Variants in CTNND2 observed in about 807,000 individuals in gnomAD.
CTNND2 encodes the protein catenin delta-2.
A neutral mutation model predicts 144.4 loss-of-function variants in CTNND2; 22 were observed. The observed-to-expected ratio is 0.15, with a 90% CI of 0.11 to 0.22. The LOEUF is 0.22. CTNND2 is among the 10% of genes least tolerant of loss of function. The pLI, the probability that CTNND2 is intolerant of heterozygous loss-of-function variation, is 1.00. For synonymous variants in CTNND2, 751 were observed against 695.6 expected (o/e 1.08, Z -1.25); for missense variants, 1,353 against 1,618.8 (o/e 0.84, Z 2.82).
rs376626839 is a variant in CTNND2 at position 11,210,598 on chromosome 5, A to G, written c.1762-10937T>C. ...GATAAGATCTAACATATTTATTTGT[A>G]TGTGGCAAAGCTAAAGTCACAGATT... is the stretch of plus-strand genomic sequence containing the variant. On this transcript the variant is annotated intron_variant, in intron 10 of 21. Transcript: ENST00000304623. 3.3e-4 allele frequency among the ~76,000 whole-genome samples: 51 copies of G among 152,320 alleles called. No homozygotes were observed. The South Asian group carries it at 7.5e-3, about 22-fold the overall frequency.
intron 21 of CTNND2, among the ~76,000 whole-genome samples, chr5:10,978,627 T>A (rs1443735052): frequency 6.6e-6 from 1 of 152,220 alleles, no homozygotes; most frequent in Non-Finnish European, 1.5e-5. Flanking sequence ...GCTATGAAGA[T>A]AGGACTCAGC....
chr5:11,732,569 T>C lies in CTNND2; in HGVS notation c.38-297A>G, dbSNP rs138056918. Among the ~76,000 whole-genome samples, 15 of 152,246 alleles carry C rather than the reference T, an allele frequency of 9.9e-5. 1 individual carries two copies. In the East Asian group the frequency reaches 2.9e-3, roughly 29 times the overall value. ...ATCAGAAGGAAAAAGAAGGAGAGACTATAAGAATAAAGTAATAAAGAAGTA... is the reference window on the plus strand; with the variant it reads ...ATCAGAAGGAAAAAGAAGGAGAGACCATAAGAATAAAGTAATAAAGAAGTA... On this transcript the variant is annotated intron_variant, in intron 1 of 21. Coordinates refer to ENST00000304623, the MANE Select transcript of CTNND2 (RefSeq NM_001332.4).
intron 9 of CTNND2, 21 bp from the exon 10 acceptor site, chr5:11,236,844 G>A (rs762902827): frequency 1.3e-5 from 21 of 1,613,656 alleles, no homozygotes; most frequent in Non-Finnish European, 1.6e-5. Flanking sequence ...GGAAAGAAGC[G>A]GGGAGAATAT....
At chr5:11,776,747 A>G (rs1424759645) in intron 1 of CTNND2, among the ~76,000 whole-genome samples, 1 of 152,218 alleles carries the variant, frequency 6.6e-6, no homozygotes, top group Non-Finnish European at 1.5e-5. Flanking sequence ...TTATTCATCT[A>G]GCAAATAAAA....
intron 3 of CTNND2, among the ~76,000 whole-genome samples, chr5:11,525,024 T>C (rs1348432575): frequency 3.9e-5 from 6 of 152,328 alleles, no homozygotes; most frequent in African/African-American, 1.4e-4. Context: ...CTTTTACTAA[T>C]TTAGAAAAGC....
chr5:11,728,977 T>C (rs1787177876), intron 2 of CTNND2, among the ~76,000 whole-genome samples: 1 of 152,142 alleles, frequency 6.6e-6, no homozygotes, highest in African/African-American at 2.4e-5. Context: ...TGATTTAGGA[T>C]ACAAATCCCC....
chr5:11,801,939 A>G (rs1561809530), intron 1 of CTNND2, among the ~76,000 whole-genome samples: 1 of 152,246 alleles, frequency 6.6e-6, no homozygotes, highest in South Asian at 2.1e-4. Flanking sequence ...AATGCGATAC[A>G]TTTTTCCCAA....
At chr5:11,023,516 A>T (rs1302157293) in intron 16 of CTNND2, among the ~76,000 whole-genome samples, 1 of 152,238 alleles carries the variant, frequency 6.6e-6, no homozygotes, top group Non-Finnish European at 1.5e-5. Flanking sequence ...ACATGATCAC[A>T]TATGTGAGTA....
intron 1 of CTNND2, among the ~76,000 whole-genome samples, chr5:11,780,049 G>T (rs868411794): frequency 6.6e-5 from 10 of 152,150 alleles, no homozygotes; most frequent in Non-Finnish European, 8.8e-5. Flanking sequence ...GCCCCTTCCT[G>T]GGAGGGACCC....
intron 9 of CTNND2, among the ~76,000 whole-genome samples, chr5:11,283,568 G>A (rs1310586952): frequency 1.3e-5 from 2 of 151,060 alleles, no homozygotes; most frequent in African/African-American, 2.4e-5. Context: ...CAGCTACACG[G>A]GAGGCTGAGG....
intron 1 of CTNND2, among the ~76,000 whole-genome samples, chr5:11,876,449 T>G (rs1406094960): frequency 6.6e-6 from 1 of 152,202 alleles, no homozygotes; most frequent in Non-Finnish European, 1.5e-5. Flanking sequence ...GAATTCCATC[T>G]AAGAGTCAGC....
At chr5:11,623,802 GTGTATGTATA>G (rs1473575757) in intron 2 of CTNND2, among the ~76,000 whole-genome samples, 42 of 38,542 alleles carry the variant, frequency 1.1e-3, no homozygotes, top group Middle Eastern at 0.022. Context: ...ATATATATGT[GTGTATGTATA>G]TATATATATA....
intron 16 of CTNND2, among the ~76,000 whole-genome samples, chr5:11,035,927 G>A (rs1744021075): frequency 6.6e-6 from 1 of 151,272 alleles, no homozygotes; most frequent in African/African-American, 2.4e-5. Context: ...TTACTTACAA[G>A]ATAGAGAAAA....
intron 16 of CTNND2, among the ~76,000 whole-genome samples, chr5:11,045,183 G>C (rs1745103724): frequency 6.6e-6 from 1 of 152,176 alleles, no homozygotes; most frequent in Non-Finnish European, 1.5e-5. Context: ...TGCTATAAAA[G>C]AATACCTGAG....
intron 3 of CTNND2, among the ~76,000 whole-genome samples, chr5:11,480,357 T>G (rs372827733): frequency 1.7e-4 from 26 of 152,286 alleles, no homozygotes; most frequent in African/African-American, 5.5e-4. Flanking sequence ...AATCACTTCT[T>G]CATGATTGAA....
chr5:11,777,241 C>A (rs921880194), intron 1 of CTNND2, among the ~76,000 whole-genome samples: 2 of 152,180 alleles, frequency 1.3e-5, no homozygotes, highest in Non-Finnish European at 2.9e-5. Flanking sequence ...AAATGAATCA[C>A]TTACTCCTCA....
chr5:11,811,979 A>G (rs946737061), intron 1 of CTNND2, among the ~76,000 whole-genome samples: 18 of 152,240 alleles, frequency 1.2e-4, no homozygotes, highest in Non-Finnish European at 2.4e-4. Context: ...AACTGCCACT[A>G]TAACACAAAA....
chr5:11,108,860 C>T (rs536075511), intron 14 of CTNND2, among the ~76,000 whole-genome samples: 12 of 152,236 alleles, frequency 7.9e-5, no homozygotes, highest in South Asian at 6.2e-4. Context: ...ATCACAGGAT[C>T]GTTGGCCATA....
At chr5:11,898,067 T>C (rs529637793) in intron 1 of CTNND2, among the ~76,000 whole-genome samples, 1 of 152,264 alleles carries the variant, frequency 6.6e-6, no homozygotes, top group Admixed American at 6.5e-5. Context: ...TCTGTCCCTG[T>C]GGGGAGGGAG....
Sources: allele counts gnomAD v4.1 joint callset (sites outside exome capture counted in the v4.1 genomes callset), GRCh38; gene constraint gnomAD v4.1.1; transcripts MANE v1.5; gene names NCBI Gene and HGNC (gene_info 2026-07-23, HGNC 2026-07-21).